The following HSD17B4 variants were observed in gnomAD, a reference collection of about 807,000 sequenced individuals.
HSD17B4 encodes peroxisomal multifunctional enzyme type 2.
A neutral mutation model predicts 101.0 loss-of-function variants in HSD17B4; 70 were observed. That is an observed-to-expected ratio of 0.69 (90% CI 0.57 to 0.85). HSD17B4 has a LOEUF of 0.85. HSD17B4 is among the 40% of genes least tolerant of loss of function. The pLI is 0.00. For missense variants in HSD17B4, 984 were observed against 892.4 expected (o/e 1.10, Z -1.31); for synonymous variants, 347 against 297.1 (o/e 1.17, Z -1.73).
chr5:119,469,857 AGTGTCT>A (rs774769807), intron 2 of HSD17B4, among the ~76,000 whole-genome samples: 1 of 152,188 alleles, frequency 6.6e-6, no homozygotes, highest in Non-Finnish European at 1.5e-5. Flanking sequence ...CAACATCAAC[AGTGTCT>A]GTATGTGCCT....
intron 2 of HSD17B4, among the ~76,000 whole-genome samples, chr5:119,460,828 C>G (rs533115249): frequency 7.3e-6 from 1 of 137,914 alleles, no homozygotes; most frequent in South Asian, 2.3e-4. Context: ...GTGAATGGAA[C>G]AGAAAATGCT....
intron 20 of HSD17B4, among the ~76,000 whole-genome samples, chr5:119,529,602 A>AT (rs1176449429): frequency 1.3e-5 from 2 of 151,980 alleles, no homozygotes; most frequent in Admixed American, 1.3e-4. Context: ...CTATCAGTGT[A>AT]TTTACATTAG....
chr5:119,535,463 A>G (rs928321325), intron 22 of HSD17B4, among the ~76,000 whole-genome samples: 16 of 151,698 alleles, frequency 1.1e-4, no homozygotes, highest in Admixed American at 2.0e-4. Context: ...GCTTTTCCCA[A>G]TTTTGAGATA....
chr5:119,517,464 C>T (rs1054060436), intron 17 of HSD17B4, among the ~76,000 whole-genome samples: 3 of 152,258 alleles, frequency 2.0e-5, no homozygotes, highest in Non-Finnish European at 2.9e-5. Context: ...CCAGTCCCAT[C>T]GACCACCCAA....
intron 2 of HSD17B4, 134 bp from the exon 3 acceptor site, chr5:119,473,774 G>C: frequency 2.8e-6 from 2 of 706,180 alleles, no homozygotes; most frequent in East Asian, 5.3e-5. Context: ...AGTAAGATGG[G>C]ATAGGGTAGG....
intron 22 of HSD17B4, among the ~76,000 whole-genome samples, chr5:119,534,429 TA>T (rs1754372989): frequency 6.6e-6 from 1 of 152,098 alleles, no homozygotes; most frequent in African/African-American, 2.4e-5. Context: ...CTTTGACTGT[TA>T]GAGGTTATCT....
intron 1 of HSD17B4, among the ~76,000 whole-genome samples, chr5:119,453,266 G>A (rs1754265580): frequency 6.6e-6 from 1 of 152,230 alleles, no homozygotes; most frequent in African/African-American, 2.4e-5. Flanking sequence ...ACAGGGGTCA[G>A]GCGTATGATG....
intron 8 of HSD17B4, among the ~76,000 whole-genome samples, chr5:119,482,016 T>A (rs1035804157): frequency 2.0e-5 from 3 of 152,092 alleles, no homozygotes; most frequent in Non-Finnish European, 1.5e-5. Flanking sequence ...TTATGCTGCC[T>A]GGTGTCCTCT....
chr5:119,515,762 A>G (rs1752555064), intron 17 of HSD17B4, among the ~76,000 whole-genome samples: 1 of 152,178 alleles, frequency 6.6e-6, no homozygotes, highest in South Asian at 2.1e-4. Context: ...GGAGTAACGC[A>G]GTGTGTGTGC....
intron 15 of HSD17B4, among the ~76,000 whole-genome samples, chr5:119,507,877 C>T (rs1197009410): frequency 6.0e-5 from 9 of 151,124 alleles, no homozygotes; most frequent in African/African-American, 2.2e-4. Context: ...AGTTTAAGAA[C>T]AAAAAAGTAG....
intron 20 of HSD17B4, among the ~76,000 whole-genome samples, chr5:119,527,574 A>G (rs778884453): frequency 2.0e-4 from 30 of 152,104 alleles, no homozygotes; most frequent in Non-Finnish European, 4.4e-4. Flanking sequence ...ATTTAAAGGC[A>G]TGACTCAGAC....
intron 4 of HSD17B4, 140 bp downstream of exon 4, chr5:119,474,600 T>C (rs937181441): frequency 1.4e-6 from 1 of 691,852 alleles, no homozygotes; most frequent in Admixed American, 2.3e-5. Context: ...AAGTTAATTA[T>C]TGTACTTATT....
chr5:119,489,064 T>C, intron 8 of HSD17B4, 128 bp from the exon 9 acceptor site: 1 of 666,936 alleles, frequency 1.5e-6, no homozygotes, highest in Non-Finnish European at 2.7e-6. Flanking sequence ...ACTTAAATGT[T>C]AGACTAGTTA....
Position 119,506,815 on chromosome 5 carries a change from T to C in HSD17B4, c.1262-3T>C, listed in dbSNP as rs181025205. 2 of 1,545,780 alleles carry C rather than the reference T, an allele frequency of 1.3e-6. No homozygotes were observed. Among genetic ancestry groups the C allele is most frequent in the East Asian group, 2.3e-5 (1 of 44,368 alleles). ...ACTGTATTTCTTTTACTTTTCTTTC[T>C]AGGAAAATTAAAATGTGAAGCAGTT... On this transcript the variant is annotated splice_polypyrimidine_tract_variant and splice_region_variant and intron_variant, in intron 14 of 23. Transcript: ENST00000510025.
Position 119,499,636 on chromosome 5 carries a change from G to T in HSD17B4, c.1209+83G>T, listed in dbSNP as rs1005448843. 26 of 753,638 alleles carry T rather than the reference G, an allele frequency of 3.4e-5. No homozygotes were observed. In the African/African-American group the frequency reaches 4.3e-4, roughly 12 times the overall value. 46.7% of individuals were successfully genotyped at this position (753,638 alleles called of 1,614,324 possible). A position where few individuals can be genotyped will look rare whatever the true frequency, so the allele number is the denominator to read the frequency against. ...AATGTCATATCTTATATATATGTGTGTGTAGTGTGTGTATATATATTTATA... is the reference window on the plus strand; with the variant it reads ...AATGTCATATCTTATATATATGTGTTTGTAGTGTGTGTATATATATTTATA... On this transcript the variant is annotated intron_variant, in intron 13 of 23. Coordinates refer to ENST00000510025, the MANE Select transcript of HSD17B4 (RefSeq NM_000414.4).
In HSD17B4 at chr5:119,541,933, G is replaced by T; in HGVS notation, c.2150G>T (p.Arg717Ile). ...TTCTTTAGTGGCAGGCTGAAGGCCA[G>T]AGGGAACATCATGCTGAGCCAGAAA... The part of the protein sequence containing the change: ...KAFFSGRLKA[R>I]GNIMLSQKLQ... The change falls in exon 24 of 24, where the codon AGA (arginine) becomes ATA (isoleucine). Residue 717 changes from arginine to isoleucine, a missense_variant. Physicochemically the swap from Arg to Ile is moderately conservative, Grantham distance 97. Transcript: ENST00000510025. 6.2e-7 allele frequency: 1 copy of T among 1,613,126 alleles called. No individual in the cohort carries two copies.
chr5:119,527,312 C>A, intron 20 of HSD17B4, 93 bp downstream of exon 20: 1 of 704,582 alleles, frequency 1.4e-6, no homozygotes, highest in Non-Finnish European at 2.5e-6. Flanking sequence ...ATAGAAAGTT[C>A]TTTTTAAGTA....
chr5:119,476,892 A>G (rs1392674415), intron 6 of HSD17B4, among the ~76,000 whole-genome samples: 1 of 152,194 alleles, frequency 6.6e-6, no homozygotes, highest in Non-Finnish European at 1.5e-5. Flanking sequence ...AAACTTGACA[A>G]TTAAAATCTA....
intron 16 of HSD17B4, among the ~76,000 whole-genome samples, chr5:119,512,345 T>C (rs936313020): frequency 3.3e-5 from 5 of 152,156 alleles, no homozygotes; most frequent in African/African-American, 1.2e-4. Context: ...AGAAGCTCAG[T>C]CAACTCCAAA....
Sources: allele counts gnomAD v4.1 joint callset (sites outside exome capture counted in the v4.1 genomes callset), GRCh38; gene constraint gnomAD v4.1.1; transcripts MANE v1.5; gene names NCBI Gene and HGNC (gene_info 2026-07-23, HGNC 2026-07-21).